Variants in CHM observed in about 807,000 individuals in gnomAD.
CHM encodes the protein CHM Rab escort protein.
Under a neutral mutation model 49.0 loss-of-function variants are expected in CHM, and 10 were observed. That is an observed-to-expected ratio of 0.20 (90% CI 0.13 to 0.35). The LOEUF is 0.35. Ranked by LOEUF, CHM falls within the 10% of genes least tolerant of loss-of-function variation. The pLI, the probability that CHM is intolerant of heterozygous loss-of-function variation, is 1.00. For synonymous variants in CHM, 184 were observed against 167.5 expected (o/e 1.10, Z -0.76); for missense variants, 455 against 478.4 (o/e 0.95, Z 0.46).
chrX:85,900,313 C>T (rs1926175477), intron 11 of CHM, among the ~76,000 whole-genome samples: 2 of 111,464 alleles, frequency 1.8e-5, no homozygotes, highest in South Asian at 7.5e-4. Context: ...ATACAAAAAG[C>T]TTCAAATTCA....
rs1191007750 is a variant in CHM, at chrX:85,861,605, T to C, written c.*3025A>G. 9.0e-6 allele frequency: 1 copy of C among 111,706 alleles called. No individual in the cohort carries two copies. The highest frequency in any genetic ancestry group is 3.2e-5 in the African/African-American group (1 of 30,820). 9.2% of individuals were successfully genotyped at this position (111,706 alleles called of 1,213,427 possible). A position where few individuals can be genotyped will look rare whatever the true frequency, so the allele number is the denominator to read the frequency against. ...GGAGATAGGGAACTTGTTACTCCAT[T>C]TTCCTATAGAAAAATATATAAATTG... On this transcript the variant is annotated 3_prime_UTR_variant, in exon 15 of 15. Coordinates refer to ENST00000357749, the MANE Select transcript of CHM (RefSeq NM_000390.4).
chrX:86,017,037 C>T lies in CHM; in HGVS notation c.116+10454G>A, dbSNP rs183572497. ...CTGGAGCTTTAAAATTTGACTGCTC[C>T]ACTAGATTTCGGACTTGCATGGGCC... On this transcript the variant is annotated intron_variant, in intron 2 of 14. Transcript: ENST00000357749. Among the ~76,000 whole-genome samples, 5 of 112,450 alleles carry T rather than the reference C, an allele frequency of 4.4e-5. No individual in the cohort carries two copies. In the East Asian group the frequency reaches 1.1e-3, roughly 25 times the overall value.
intron 12 of CHM, among the ~76,000 whole-genome samples, chrX:85,887,045 CTT>C (rs1925129569): frequency 9.3e-6 from 1 of 106,955 alleles, no homozygotes. Flanking sequence ...TAAATTGAAA[CTT>C]AACTTTCTCA....
At chrX:85,972,252 G>C (rs945784552) in intron 4 of CHM, among the ~76,000 whole-genome samples, 23 of 112,957 alleles carry the variant, frequency 2.0e-4, no homozygotes, top group Non-Finnish European at 4.1e-4. Flanking sequence ...TAGATATAAA[G>C]ACTCTCCACG....
chrX:86,016,231 G>T (rs976573264), intron 2 of CHM, among the ~76,000 whole-genome samples: 1 of 111,076 alleles, frequency 9.0e-6, no homozygotes, highest in Non-Finnish European at 1.9e-5. Flanking sequence ...TTTGCAGCCT[G>T]ACAATGTGAT....
intron 14 of CHM, among the ~76,000 whole-genome samples, chrX:85,872,289 C>A (rs575036413): frequency 1.8e-5 from 2 of 111,900 alleles, no homozygotes; most frequent in Admixed American, 1.9e-4. Flanking sequence ...CAGTTCTACC[C>A]GTGAAAAGTT....
rs1366328825 is a variant in CHM at position 85,863,547 on chromosome X, G to A, written c.*1083C>T. The A allele has an allele frequency of 8.9e-6, 1 of 111,903 alleles. No homozygotes were observed. Among genetic ancestry groups the A allele is most frequent in the African/African-American group, 3.2e-5 (1 of 30,773 alleles). The allele number at this position is 111,903 out of a possible 1,213,427, so 9.2% of individuals were successfully genotyped here. A position where few individuals can be genotyped will look rare whatever the true frequency, so the allele number is the denominator to read the frequency against. Reference sequence around the variant, plus strand: ...TACTTGTTACTATTTTTACTGGTCTGTAAGACTATAAAATACTACTTTAAA... The same window carrying A: ...TACTTGTTACTATTTTTACTGGTCTATAAGACTATAAAATACTACTTTAAA... On this transcript the variant is annotated 3_prime_UTR_variant, in exon 15 of 15. Coordinates refer to ENST00000357749, the MANE Select transcript of CHM (RefSeq NM_000390.4).
chrX:86,040,658 C>A (rs761382963), intron 1 of CHM, among the ~76,000 whole-genome samples: 1 of 112,082 alleles, frequency 8.9e-6, no homozygotes, highest in Admixed American at 9.4e-5. Context: ...GGCCAAGCTG[C>A]CTCTGGTCTC....
At chrX:85,866,631 A>G (rs1285061936) in intron 14 of CHM, among the ~76,000 whole-genome samples, 3 of 112,981 alleles carry the variant, frequency 2.7e-5, no homozygotes, top group Non-Finnish European at 5.6e-5. Flanking sequence ...GAAAAGTCAC[A>G]GGCACTCAAT....
chrX:85,862,217 G>A lies in CHM; in HGVS notation c.*2413C>T, dbSNP rs1437276584. The A allele has an allele frequency of 8.9e-6, 1 of 112,234 alleles. No homozygotes were observed. Among genetic ancestry groups the A allele is most frequent in the African/African-American group, 3.2e-5 (1 of 30,858 alleles). 9.2% of individuals were successfully genotyped at this position (112,234 alleles called of 1,213,427 possible). A position where few individuals can be genotyped will look rare whatever the true frequency, so the allele number is the denominator to read the frequency against. On this transcript the variant is annotated 3_prime_UTR_variant, in exon 15 of 15. Transcript: ENST00000357749. ...TGGACCACAAACTATCTCCTCCATT[G>A]TTCTACATATAGGTGGCTGCAGTAA...
intron 8 of CHM, among the ~76,000 whole-genome samples, chrX:85,921,431 A>T (rs1157455864): frequency 8.9e-6 from 1 of 112,085 alleles, no homozygotes; most frequent in Non-Finnish European, 1.9e-5. Context: ...GGTAGTATGC[A>T]GCCTAGAGGC....
intron 11 of CHM, among the ~76,000 whole-genome samples, chrX:85,896,837 T>C (rs950628698): frequency 1.2e-4 from 12 of 100,805 alleles, no homozygotes; most frequent in African/African-American, 4.3e-4. Flanking sequence ...TTATATAATA[T>C]ATTATATAAT....
intron 2 of CHM, among the ~76,000 whole-genome samples, chrX:86,024,082 A>T (rs1327786461): frequency 8.9e-6 from 1 of 111,866 alleles, no homozygotes; most frequent in African/African-American, 3.2e-5. Context: ...TTCCCTGAGG[A>T]GGTGGTATGT....
At chrX:85,970,178 C>T (rs752828691) in intron 4 of CHM, 1 of 503,139 alleles carries the variant, frequency 2.0e-6, no homozygotes, top group Non-Finnish European at 2.4e-6. Flanking sequence ...TTTATATGTA[C>T]CAAAACATAT....
At chrX:85,927,217 T>A (rs1433145874) in intron 8 of CHM, among the ~76,000 whole-genome samples, 1 of 112,218 alleles carries the variant, frequency 8.9e-6, no homozygotes, top group Non-Finnish European at 1.9e-5. Context: ...AGTCTTGGAT[T>A]TTTTTTAAAA....
chrX:86,043,365 T>A (rs760749660), intron 1 of CHM, among the ~76,000 whole-genome samples: 3 of 110,728 alleles, frequency 2.7e-5, no homozygotes, highest in Non-Finnish European at 5.7e-5. Context: ...TCCATGTTTA[T>A]CTTTGCTATC....
chrX:86,030,901 C>T (rs1934013414), intron 1 of CHM, among the ~76,000 whole-genome samples: 1 of 111,045 alleles, frequency 9.0e-6, no homozygotes, highest in South Asian at 3.9e-4. Context: ...AAGGGTTATC[C>T]ATGTTGCAGC....
At chrX:85,909,851 T>C (rs1020984053) in intron 9 of CHM, among the ~76,000 whole-genome samples, 54 of 111,901 alleles carry the variant, frequency 4.8e-4, no homozygotes, top group African/African-American at 1.6e-3. Flanking sequence ...AGCAATTCAT[T>C]ATCTGGCTTT....
chrX:85,888,414 C>T (rs1925233437), intron 12 of CHM, among the ~76,000 whole-genome samples: 3 of 112,387 alleles, frequency 2.7e-5, no homozygotes, highest in African/African-American at 9.7e-5. Context: ...TTATAAACTG[C>T]CATTGGATGT....
Sources: allele counts gnomAD v4.1 joint callset (sites outside exome capture counted in the v4.1 genomes callset), GRCh38; gene constraint gnomAD v4.1.1; transcripts MANE v1.5; gene names NCBI Gene and HGNC (gene_info 2026-07-23, HGNC 2026-07-21).